Variants in LCTL observed in about 807,000 individuals in gnomAD.
The protein encoded by LCTL is lactase like, also known as lactase-like protein.
Under a neutral mutation model 75.8 loss-of-function variants are expected in LCTL, and 76 were observed. The ratio of observed to expected loss-of-function variants is 1.00; its 90% CI spans 0.83 to 1.21. The LOEUF is 1.21. Ranked by LOEUF, LCTL falls within the 50% of genes most tolerant of loss-of-function variation. The probability of loss-of-function intolerance (pLI) is 0.00; values close to 1 mark genes in which losing one functional copy is unlikely to be tolerated. For missense variants in LCTL, 670 were observed against 712.4 expected, an observed-to-expected ratio of 0.94 and a Z score of 0.68; for synonymous variants, 271 against 268.8, an observed-to-expected ratio of 1.01 and a Z score of -0.08.
intron 2 of LCTL, 50 bp downstream of exon 3, chr15:66,564,626 C>T (rs1895974858): frequency 1.3e-6 from 2 of 1,581,124 alleles, no homozygotes; most frequent in African/African-American, 1.3e-5. Flanking sequence ...CATGTACTCA[C>T]ATGTGTGTGC....
intron 2 of LCTL, 105 bp downstream of exon 3, chr15:66,564,571 G>A (rs2140855495): frequency 1.5e-6 from 2 of 1,302,696 alleles, no homozygotes; most frequent in South Asian, 1.4e-5. Flanking sequence ...GGATGACATT[G>A]TCATCAGAGC....
intron 8 of LCTL, among the ~76,000 whole-genome samples, chr15:66,555,490 G>C (rs1334651885): frequency 1.3e-5 from 2 of 151,750 alleles, no homozygotes; most frequent in Non-Finnish European, 2.9e-5. Context: ...GCAGTGAGCC[G>C]AGATCGCACC....
chr15:66,557,994 T>C (rs778370909), exon 7 of LCTL: 2 of 1,607,812 alleles, frequency 1.2e-6, no homozygotes, highest in African/African-American at 2.7e-5. Context: ...TGCTGCTTGC[T>C]GCGCCACGTG....
intron 11 of LCTL, among the ~76,000 whole-genome samples, chr15:66,551,075 G>A (rs1895580462): frequency 1.3e-5 from 2 of 151,858 alleles, no homozygotes; most frequent in Admixed American, 1.3e-4. Flanking sequence ...TGGGCCAGGC[G>A]CGGTGGCTCA....
At chr15:66,565,312 C>A in exon 1 of LCTL, 1 of 1,613,876 alleles carries the variant, frequency 6.2e-7, no homozygotes, top group Non-Finnish European at 8.5e-7. Flanking sequence ...CGGCCCCCAG[C>A]CTGGGCACCA....
chr15:66,558,080 A>G (rs756977161), intron 6 of LCTL, 44 bp from the exon 8 acceptor site: 6 of 1,528,026 alleles, frequency 3.9e-6, no homozygotes, highest in Non-Finnish European at 4.4e-6. Context: ...TGGCCCATCC[A>G]TTTCCTCCCT....
At chr15:66,549,876 G>C (rs1895533142) in intron 12 of LCTL, 165 bp downstream of exon 13, 1 of 476,600 alleles carries the variant, frequency 2.1e-6, no homozygotes, top group South Asian at 4.3e-5. Flanking sequence ...GCTTTAAAAT[G>C]CTTATAAATA....
At chr15:66,556,863 A>G (rs769674093) in intron 8 of LCTL, among the ~76,000 whole-genome samples, 24 of 152,142 alleles carry the variant, frequency 1.6e-4, no homozygotes, top group Non-Finnish European at 2.9e-4. Context: ...TTATGAAAGT[A>G]TTTTATACCA....
chr15:66,563,462 C>A, intron 4 of LCTL, 54 bp downstream of exon 5: 1 of 1,284,868 alleles, frequency 7.8e-7, no homozygotes, highest in East Asian at 2.3e-5. Flanking sequence ...AAACTGGGCT[C>A]CCTCCTGCTT....
At chr15:66,561,903 G>A (rs532856180) in intron 4 of LCTL, among the ~76,000 whole-genome samples, 1 of 151,978 alleles carries the variant, frequency 6.6e-6, no homozygotes, top group Admixed American at 6.6e-5. Flanking sequence ...CTCAGCACTC[G>A]AGGCCTTCGA....
At chr15:66,548,650 A>C in intron 12 of LCTL, 45 bp from the exon 14 acceptor site, 9 of 970,946 alleles carry the variant, frequency 9.3e-6, no homozygotes, top group Non-Finnish European at 1.5e-5. Context: ...GAACAGGATC[A>C]TTTTAGTAAA....
At chr15:66,564,320 C>T (rs1028811705) in intron 2 of LCTL, 2 of 483,694 alleles carry the variant, frequency 4.1e-6, no homozygotes, top group African/African-American at 3.9e-5. Context: ...CCCACTCCCT[C>T]CACAGGGTGC....
intron 8 of LCTL, among the ~76,000 whole-genome samples, chr15:66,556,982 A>T (rs1243455470): frequency 6.6e-6 from 1 of 152,170 alleles, no homozygotes; most frequent in Non-Finnish European, 1.5e-5. Context: ...CCCAAAACTT[A>T]TTATGACAGA....
At chr15:66,562,128 C>T (rs114683231) in intron 4 of LCTL, among the ~76,000 whole-genome samples, 3 of 152,132 alleles carry the variant, frequency 2.0e-5, no homozygotes, top group Admixed American at 6.5e-5. Flanking sequence ...TGAGGCCAGG[C>T]GCAGTGGCTC....
At position 66,551,453 on chromosome 15, in the gene LCTL, A is replaced by G. The variant is rs541792491; in HGVS notation, c.1524+209T>C. 7.2e-5 allele frequency among the ~76,000 whole-genome samples: 11 copies of G among 152,008 alleles called. No individual in the cohort carries two copies. The East Asian group carries it at 1.5e-3, about 21-fold the overall frequency. On this transcript the variant is annotated intron_variant, in intron 11 of 12. Transcript: ENST00000341509. ...AACTTAAAGCAAACGGAACTCCTTCATAACCTCTGGTAGTGCCCTTAGATT... is the reference window on the plus strand; with the variant it reads ...AACTTAAAGCAAACGGAACTCCTTCGTAACCTCTGGTAGTGCCCTTAGATT...
intron 6 of LCTL, among the ~76,000 whole-genome samples, 168 bp downstream of exon 7, chr15:66,560,838 C>T (rs781471986): frequency 1.5e-4 from 23 of 152,312 alleles, no homozygotes; most frequent in Middle Eastern, 6.8e-3. Context: ...TGTCCCCCAG[C>T]GCCCTGAATG....
exon 10 of LCTL, chr15:66,552,131 A>G (rs754671739): frequency 6.2e-7 from 1 of 1,613,460 alleles, no homozygotes; most frequent in South Asian, 1.1e-5. Context: ...GAGATGCTCC[A>G]TTTTCCATCA....
At chr15:66,551,622 C>T in intron 11 of LCTL, 40 bp downstream of exon 12, 1 of 1,530,644 alleles carries the variant, frequency 6.5e-7, no homozygotes. Context: ...TCTAGCTCTT[C>T]CTAAAGTTCA....
Position 66,564,802 on chromosome 15 carries a change from CG to C in LCTL, c.155del (p.Thr52ArgfsTer34). The C allele has an allele frequency of 1.2e-6, 2 of 1,613,302 alleles. No individual in the cohort carries two copies. The highest frequency in any genetic ancestry group is 1.7e-6 in the Non-Finnish European group (2 of 1,179,968). On this transcript the variant is annotated frameshift_variant, in exon 2 of 13. Transcript: ENST00000341509. LOFTEE classifies it high-confidence loss of function. ...TCCCGTCCTGGTCCCAGGCGCCCTCCGTCTGGTAGGCAGAACTGCCCACGCC... is the reference window on the plus strand; with the variant it reads ...TCCCGTCCTGGTCCCAGGCGCCCTCCTCTGGTAGGCAGAACTGCCCACGCC...
Sources: gnomAD v4.1 joint callset for allele counts (sites outside exome capture counted in the v4.1 genomes callset) on GRCh38, gnomAD v4.1.1 for gene constraint, MANE v1.5 for transcripts, NCBI Gene and HGNC (gene_info 2026-07-23, HGNC 2026-07-21) for gene names.